ADGRV1: variants seen among roughly 807,000 people sequenced by gnomAD.
ADGRV1 encodes adhesion G protein-coupled receptor V1, also known as G-protein coupled receptor 98.
Under a neutral mutation model 596.2 loss-of-function variants are expected in ADGRV1, and 359 were observed. That is an observed-to-expected ratio of 0.60 (90% CI 0.55 to 0.66). The LOEUF is 0.66. ADGRV1 is among the 30% of genes least tolerant of loss of function. ADGRV1 has a pLI of 0.00. For missense variants in ADGRV1, 7,274 were observed against 7,575.6 expected (o/e 0.96, Z 1.48); for synonymous variants, 2,681 against 2,679.2 (o/e 1.00, Z -0.02).
At chr5:91,010,301 A>G (rs926408520) in intron 85 of ADGRV1, among the ~76,000 whole-genome samples, 1 of 152,140 alleles carries the variant, frequency 6.6e-6, no homozygotes, top group Non-Finnish European at 1.5e-5. Flanking sequence ...AATCACCTAA[A>G]TATGAGCACA....
At chr5:90,871,400 G>T (rs1768660805) in intron 83 of ADGRV1, among the ~76,000 whole-genome samples, 1 of 152,014 alleles carries the variant, frequency 6.6e-6, no homozygotes, top group Admixed American at 6.6e-5. Context: ...TCAAAATTCA[G>T]CTCAAATAGA....
intron 87 of ADGRV1, among the ~76,000 whole-genome samples, chr5:91,123,755 T>C (rs1562248569): frequency 6.6e-6 from 1 of 152,216 alleles, no homozygotes; most frequent in African/African-American, 2.4e-5. Context: ...TTAATTAATT[T>C]ATCTATTCTG....
In ADGRV1 at chr5:90,623,747, T is replaced by C. The variant is rs530667957; in HGVS notation, c.558+1046T>C. ...CATTTTTTTCAGTACACCAAATGGA[T>C]GGTGTTTGTAGCCATTGCACTCCAC... On this transcript the variant is annotated intron_variant, in intron 5 of 89. Transcript: ENST00000405460. Among the ~76,000 whole-genome samples, 3 of 152,260 alleles carry C rather than the reference T, an allele frequency of 2.0e-5. No individual in the cohort carries two copies. In the South Asian group the frequency reaches 6.2e-4, roughly 32 times the overall value.
chr5:90,653,812 C>G lies in ADGRV1; in HGVS notation c.4238C>G (p.Thr1413Arg). 1 of 1,613,402 alleles carries G rather than the reference C, an allele frequency of 6.2e-7. No individual in the cohort carries two copies. The highest frequency in any genetic ancestry group is 8.5e-7 in the Non-Finnish European group (1 of 1,179,652). ...LGSNATYIAK[T>R]TVMKYLEESV... ...TCCAATGCTACATACATTGCCAAGA[C>G]AACAGTCATGAAATATTTAGAAGAA... The change falls in exon 20 of 90, where the codon ACA becomes AGA. Residue 1413 changes from threonine to arginine, a missense_variant. By Grantham distance (71) the Thr-to-Arg change is moderately conservative. This residue lies in a region of ADGRV1 where 1,715 missense variants were observed against 1,708.8 expected (regional missense o/e 1.00). Coordinates refer to ENST00000405460, the MANE Select transcript of ADGRV1 (RefSeq NM_032119.4).
Position 90,642,837 on chromosome 5 carries a change from T to A in ADGRV1, c.2368-19T>A, listed in dbSNP as rs764201982. 1.9e-6 allele frequency: 3 copies of A among 1,597,484 alleles called. No homozygotes were observed. The highest frequency in any genetic ancestry group is 2.6e-6 in the Non-Finnish European group (3 of 1,173,588). On this transcript the variant is annotated intron_variant, in intron 12 of 89. Transcript: ENST00000405460. ...AATGATCTCAAAGGGTTTCAACTTT[T>A]GTGGATTTGTTTTTAAAGGAAGGAG...
intron 84 of ADGRV1, among the ~76,000 whole-genome samples, chr5:90,972,310 A>G (rs1779115439): frequency 6.6e-6 from 1 of 152,174 alleles, no homozygotes; most frequent in Non-Finnish European, 1.5e-5. Context: ...GAAAGTTAAC[A>G]AGGATATCCA....
intron 83 of ADGRV1, among the ~76,000 whole-genome samples, chr5:90,923,736 C>T (rs948341890): frequency 2.0e-5 from 3 of 152,066 alleles, no homozygotes; most frequent in African/African-American, 4.8e-5. Context: ...CCCACTAAAT[C>T]GTCATCTAGC....
At chr5:91,017,514 G>A (rs1783271773) in intron 85 of ADGRV1, among the ~76,000 whole-genome samples, 1 of 151,902 alleles carries the variant, frequency 6.6e-6, no homozygotes, top group African/African-American at 2.4e-5. Context: ...CATGAATACA[G>A]GGGGTGATTG....
At chr5:90,614,109 G>T (rs1763041992) in intron 1 of ADGRV1, 2 of 226,198 alleles carry the variant, frequency 8.8e-6, no homozygotes, top group South Asian at 1.0e-4. Flanking sequence ...CCAGAGTGCT[G>T]AAAGTAGGAA....
chr5:90,800,268 T>A (rs1032759565), intron 70 of ADGRV1, among the ~76,000 whole-genome samples: 7 of 152,154 alleles, frequency 4.6e-5, no homozygotes, highest in Non-Finnish European at 8.8e-5. Flanking sequence ...GGGCAAAGGA[T>A]ATGAACAGAC....
At chr5:91,004,983 T>A (rs1335706774) in intron 85 of ADGRV1, among the ~76,000 whole-genome samples, 1 of 152,202 alleles carries the variant, frequency 6.6e-6, no homozygotes, top group Non-Finnish European at 1.5e-5. Flanking sequence ...CTTCCCTCAA[T>A]GTTTTATAAT....
chr5:91,012,544 G>A (rs1349237450), intron 85 of ADGRV1, among the ~76,000 whole-genome samples: 2 of 151,476 alleles, frequency 1.3e-5, no homozygotes, highest in East Asian at 3.9e-4. Context: ...ATATTTTCTT[G>A]TATCATCATT....
chr5:91,017,854 T>C (rs62376462), intron 85 of ADGRV1, among the ~76,000 whole-genome samples: 34,892 of 151,756 alleles, frequency 0.23, 4,347 homozygotes, highest in Non-Finnish European at 0.28. Flanking sequence ...CAGAGGATTC[T>C]AATGCAGATT....
rs2366776 is a variant in ADGRV1 at position 90,645,926 on chromosome 5, T to C, written c.2899-42T>C. 260,348 of 1,464,050 alleles carry C rather than the reference T, an allele frequency of 0.18. 24,951 individuals are homozygous for C. The highest frequency in any genetic ancestry group is 0.38 in the East Asian group (15,916 of 41,878). 90.7% of individuals were successfully genotyped at this position (1,464,050 alleles called of 1,614,324 possible). On this transcript the variant is annotated intron_variant, in intron 15 of 89. Transcript: ENST00000405460. ...TTAAGAATATATGATGTAATTTATATGTATAAGTCACCTGACTTAAAACGT... is the reference window on the plus strand; with the variant it reads ...TTAAGAATATATGATGTAATTTATACGTATAAGTCACCTGACTTAAAACGT...
chr5:90,581,242 G>A, intron 1 of ADGRV1, among the ~76,000 whole-genome samples: 1 of 152,168 alleles, frequency 6.6e-6, no homozygotes, highest in African/African-American at 2.4e-5. Context: ...CCGACCTTCT[G>A]AAGCCTACTT....
intron 85 of ADGRV1, among the ~76,000 whole-genome samples, chr5:91,006,187 C>A (rs73187122): frequency 6.6e-5 from 10 of 151,880 alleles, no homozygotes; most frequent in Non-Finnish European, 2.9e-5. Flanking sequence ...AGTTAAAATG[C>A]CATTTTTATA....
intron 21 of ADGRV1, among the ~76,000 whole-genome samples, chr5:90,665,912 A>G (rs1388213219): frequency 3.4e-5 from 5 of 148,812 alleles, no homozygotes; most frequent in African/African-American, 1.2e-4. Context: ...GTTTCCATGT[A>G]GTTGAGCGGT....
At position 91,052,865 on chromosome 5, in the gene ADGRV1, A is replaced by C. The variant is rs57931656; in HGVS notation, c.18153-19582A>C. On this transcript the variant is annotated intron_variant, in intron 85 of 89. Coordinates refer to ENST00000405460, the MANE Select transcript of ADGRV1 (RefSeq NM_032119.4). ...TTAAAAAAGTCAGGGAATAAACAGT[A>C]TCAAAGGCCTCTCCTCCCCCCAGAA... Among the ~76,000 whole-genome samples, 671 of 152,290 alleles carry C rather than the reference A, an allele frequency of 4.4e-3. 12 individuals carry two copies. The highest frequency in any genetic ancestry group is 0.015 in the African/African-American group (615 of 41,536).
At chr5:91,079,233 G>T (rs922155838) in intron 86 of ADGRV1, among the ~76,000 whole-genome samples, 4 of 152,134 alleles carry the variant, frequency 2.6e-5, no homozygotes, top group African/African-American at 9.7e-5. Context: ...TGGGGCCTAA[G>T]GAAAACCCCA....
Sources: gnomAD v4.1 joint callset for allele counts (sites outside exome capture counted in the v4.1 genomes callset) on GRCh38, gnomAD v4.1.1 for gene constraint, gnomAD v4.1.1 regional missense constraint, MANE v1.5 for transcripts, NCBI Gene and HGNC (gene_info 2026-07-23, HGNC 2026-07-21) for gene names.